ZNF514: variants seen among roughly 807,000 people sequenced by gnomAD.
ZNF514 encodes the protein zinc finger protein 514.
In ZNF514, 12 loss-of-function variants were observed where a neutral mutation model predicts 9.7. The ratio of observed to expected loss-of-function variants is 1.24; its 90% CI spans 0.79 to 2.01. ZNF514 has a LOEUF of 2.01. Ranked by LOEUF, ZNF514 falls within the 30% of genes most tolerant of loss-of-function variation. The pLI is 0.00. For missense variants in ZNF514, 467 were observed against 465.5 expected (o/e 1.00, Z -0.03); for synonymous variants, 158 against 163.7 (o/e 0.97, Z 0.27).
the ZNF514 span, among the ~76,000 whole-genome samples, chr2:95,139,892 A>G: frequency 2.6e-5 from 4 of 152,280 alleles, no homozygotes; most frequent in African/African-American, 9.6e-5. Context: ...TGGAGTTCTC[A>G]TGAATGGAAA....
At chr2:95,156,761 G>A (rs1266267062) in intron 2 of ZNF514, among the ~76,000 whole-genome samples, 2 of 152,092 alleles carry the variant, frequency 1.3e-5, no homozygotes, top group Non-Finnish European at 2.9e-5. Context: ...GAGAGGTTAG[G>A]TGACTCATCC....
At chr2:95,139,285 C>G in the ZNF514 span, among the ~76,000 whole-genome samples, 1 of 152,162 alleles carries the variant, frequency 6.6e-6, no homozygotes, top group Non-Finnish European at 1.5e-5. Context: ...CCTAGTGGAG[C>G]TGTGGGAAGG....
At chr2:95,126,052 T>C in the ZNF514 span, among the ~76,000 whole-genome samples, 2 of 152,034 alleles carry the variant, frequency 1.3e-5, no homozygotes, top group African/African-American at 2.4e-5. Context: ...TATTAGATTG[T>C]GTGGTAAGTA....
In ZNF514 at chr2:95,158,910, T is replaced by A. The variant is rs900911408; in HGVS notation, c.-96+330A>T. ...TCCTGGGGTCCTCCTGATATCGGGC[T>A]CGGTACTAGCTCCCCAAGAGGGCTC... On this transcript the variant is annotated intron_variant, in intron 1 of 4. Coordinates refer to ENST00000295208, the MANE Select transcript of ZNF514 (RefSeq NM_032788.3). 2.6e-5 allele frequency: 33 copies of A among 1,289,784 alleles called. No homozygotes were observed. The African/African-American group carries it at 4.8e-4, about 19-fold the overall frequency. 79.9% of individuals were successfully genotyped at this position (1,289,784 alleles called of 1,614,324 possible).
the ZNF514 span, among the ~76,000 whole-genome samples, chr2:95,133,959 A>G: frequency 6.6e-6 from 1 of 152,222 alleles, no homozygotes; most frequent in Non-Finnish European, 1.5e-5. Context: ...GGTGAAGGGT[A>G]CATGGGATTT....
At chr2:95,135,846 T>A in the ZNF514 span, among the ~76,000 whole-genome samples, 2 of 151,682 alleles carry the variant, frequency 1.3e-5, no homozygotes, top group Non-Finnish European at 2.9e-5. Flanking sequence ...CTGAGGCAGG[T>A]GGATCACAAG....
chr2:95,156,361 C>G (rs1208807489), intron 2 of ZNF514, among the ~76,000 whole-genome samples: 1 of 152,186 alleles, frequency 6.6e-6, no homozygotes, highest in Admixed American at 6.5e-5. Context: ...CAGTTACCAT[C>G]TGCCAGCGGA....
chr2:95,136,908 T>A, the ZNF514 span, among the ~76,000 whole-genome samples: 1 of 152,196 alleles, frequency 6.6e-6, no homozygotes, highest in African/African-American at 2.4e-5. Context: ...ACTAGCCAAA[T>A]ACCAGAGAGT....
rs750348233 is a variant in ZNF514, at chr2:95,149,817, T to C, written c.668A>G (p.Gln223Arg). Residue 223 changes from glutamine to arginine, a missense_variant, in exon 5 of 5, where the codon CAG becomes CGG. Physicochemically the swap from Gln to Arg is conservative, Grantham distance 43 (BLOSUM62 1). Coordinates refer to ENST00000295208, the MANE Select transcript of ZNF514 (RefSeq NM_032788.3). ...FHFQSELRRH[Q>R]RCHTGEKPYE... ...CGGCTTTTCTCCAGTGTGACATCGC[T>C]GATGGCGCCTAAGTTCTGACTGGAA... 6.2e-7 allele frequency: 1 copy of C among 1,614,272 alleles called. No homozygotes were observed. The highest frequency in any genetic ancestry group is 1.1e-5 in the South Asian group (1 of 91,086).
At position 95,146,465 on chromosome 2, in the gene ZNF514, G is replaced by C. The variant is rs369209416; in HGVS notation, c.*2817C>G. Among the ~76,000 whole-genome samples, 32 of 152,050 alleles carry C rather than the reference G, an allele frequency of 2.1e-4. No homozygotes were observed. The highest frequency in any genetic ancestry group is 7.0e-4 in the African/African-American group (29 of 41,402). ...TAGGTAAGTAGAGAAGGTGCCCCCG[G>C]CTGATAGAACAGCTAAGGTAAAGGT... On this transcript the variant is annotated 3_prime_UTR_variant, in exon 5 of 5. Coordinates refer to ENST00000295208, the MANE Select transcript of ZNF514 (RefSeq NM_032788.3).
chr2:95,157,240 G>A, intron 2 of ZNF514, 111 bp downstream of exon 2: 1 of 591,594 alleles, frequency 1.7e-6, no homozygotes, highest in Non-Finnish European at 2.7e-6. Context: ...CTCCTGCAGA[G>A]ACAGCATTGG....
chr2:95,124,835 T>TGCCA, the ZNF514 span, among the ~76,000 whole-genome samples: 1 of 151,466 alleles, frequency 6.6e-6, no homozygotes, highest in Non-Finnish European at 1.5e-5. Context: ...CAAACAAAGC[T>TGCCA]GCCATCAACA....
chr2:95,129,749 T>C, the ZNF514 span, among the ~76,000 whole-genome samples: 1 of 152,158 alleles, frequency 6.6e-6, no homozygotes, highest in Non-Finnish European at 1.5e-5. Flanking sequence ...CTCAGAGATG[T>C]TGCCCAGTAG....
rs748793841 is a variant in ZNF514 at position 95,152,759 on chromosome 2, T to C, written c.132A>G (p.Val44=). Residue 44 remains valine, a synonymous_variant, in exon 4 of 5, where the codon GTA becomes GTG. Transcript: ENST00000295208. ...FRNLAILGLL[V]SKPYVICQLE... ...ACTGGCAGATCACATATGGTTTGGATACTAGAAGGCCTGATGGTAGAGAAG... is the reference window on the plus strand; with the variant it reads ...ACTGGCAGATCACATATGGTTTGGACACTAGAAGGCCTGATGGTAGAGAAG... 6.2e-7 allele frequency: 1 copy of C among 1,614,024 alleles called. No individual in the cohort carries two copies. The highest frequency in any genetic ancestry group is 8.5e-7 in the Non-Finnish European group (1 of 1,180,000).
At chr2:95,151,026 A>G (rs1405860693) in intron 4 of ZNF514, among the ~76,000 whole-genome samples, 1 of 152,144 alleles carries the variant, frequency 6.6e-6, no homozygotes, top group African/African-American at 2.4e-5. Context: ...CACACCCTAT[A>G]TTATTATATA....
Position 95,152,749 on chromosome 2 carries a change from A to G in ZNF514, c.142T>C (p.Tyr48His), listed in dbSNP as rs1673578282. Residue 48 changes from tyrosine to histidine, a missense_variant, in exon 4 of 5, where the codon TAT becomes CAT. Tyr to His is a moderately conservative substitution (Grantham distance 83). Transcript: ENST00000295208. Reference protein sequence around the residue: ...AILGLLVSKPYVICQLEEGGE... With the variant: ...AILGLLVSKPHVICQLEEGGE... ...CCTTCCTCCAACTGGCAGATCACAT[A>G]TGGTTTGGATACTAGAAGGCCTGAT... The G allele has an allele frequency of 6.2e-7, 1 of 1,613,986 alleles. No individual in the cohort carries two copies. The highest frequency in any genetic ancestry group is 8.5e-7 in the Non-Finnish European group (1 of 1,180,002).
At chr2:95,127,049 G>A in the ZNF514 span, among the ~76,000 whole-genome samples, 2 of 152,178 alleles carry the variant, frequency 1.3e-5, no homozygotes, top group Non-Finnish European at 2.9e-5. Context: ...ATTGGTGTCA[G>A]CTCAGAGGCA....
At chr2:95,132,110 A>C in the ZNF514 span, among the ~76,000 whole-genome samples, 4 of 139,662 alleles carry the variant, frequency 2.9e-5, no homozygotes, top group African/African-American at 1.1e-4. Context: ...GTGCCACTGC[A>C]CTCCAGCCTG....
the ZNF514 span, among the ~76,000 whole-genome samples, chr2:95,135,662 T>A: frequency 6.6e-6 from 1 of 152,072 alleles, no homozygotes; most frequent in Admixed American, 6.5e-5. Context: ...GCTTAAGCGA[T>A]CCTCCTGCCT....
Sources: gnomAD v4.1 joint callset for allele counts (sites outside exome capture counted in the v4.1 genomes callset) on GRCh38, gnomAD v4.1.1 for gene constraint, MANE v1.5 for transcripts, NCBI Gene and HGNC (gene_info 2026-07-23, HGNC 2026-07-21) for gene names.